The following SCN1A variants were observed in gnomAD, a reference collection of about 807,000 sequenced individuals.
SCN1A encodes the protein sodium voltage-gated channel alpha subunit 1.
A neutral mutation model predicts 193.7 loss-of-function variants in SCN1A; 13 were observed. The ratio of observed to expected loss-of-function variants is 0.07; its 90% CI spans 0.04 to 0.11. SCN1A has a LOEUF of 0.11. Ranked by LOEUF, SCN1A falls within the 10% of genes least tolerant of loss-of-function variation. The probability of loss-of-function intolerance (pLI) is 1.00; values close to 1 mark genes in which losing one functional copy is unlikely to be tolerated. For synonymous variants in SCN1A, 781 were observed against 843.6 expected, an observed-to-expected ratio of 0.93 and a Z score of 1.29; for missense variants, 1,432 against 2,451.1, an observed-to-expected ratio of 0.58 and a Z score of 8.78.
intron 22 of SCN1A, among the ~76,000 whole-genome samples, chr2:166,011,349 T>G (rs1692418996): frequency 6.6e-6 from 1 of 151,084 alleles, no homozygotes; most frequent in Non-Finnish European, 1.5e-5. Context: ...TTTGCCAAGT[T>G]GATAATAGAA....
intron 1 of SCN1A, among the ~76,000 whole-genome samples, chr2:166,139,626 G>C (rs1342747279): frequency 6.6e-6 from 1 of 152,148 alleles, no homozygotes; most frequent in Non-Finnish European, 1.5e-5. Context: ...TTTTCATGCT[G>C]CTGATAAAGA....
intron 2 of SCN1A, chr2:166,109,565 C>G (rs1689076192): frequency 1.3e-5 from 2 of 152,372 alleles, no homozygotes; most frequent in Admixed American, 1.3e-4. Flanking sequence ...ATTTTTCCAA[C>G]AGCATGTGCT....
Position 166,012,121 on chromosome 2 carries a change from G to C in SCN1A, c.3867C>G (p.Phe1289Leu). The change falls in exon 22 of 29, where the codon TTC (phenylalanine) becomes TTG (leucine). Residue 1289 changes from phenylalanine to leucine, a missense_variant. Around this residue, in one of 18 missense-constraint regions of SCN1A, gnomAD observed 107 missense variants for 259.4 expected, o/e 0.41. Coordinates refer to ENST00000674923, the MANE Select transcript of SCN1A (RefSeq NM_001165963.4). ...GAACGATACCTACATCAACAATTAA[G>C]AAGTCCAGCCAACACCAGGCATTGG... ...YFTNAWCWLD[F>L]LIVDVSLVSL... The C allele has an allele frequency of 6.2e-7, 1 of 1,609,784 alleles. No homozygotes were observed. Among genetic ancestry groups the C allele is most frequent in the South Asian group, 1.1e-5 (1 of 91,020 alleles).
rs760863201 is a variant in SCN1A at position 166,073,647 on chromosome 2, C to A, written c.-26G>T. ...CTTGTCATCCTGCACATTTTAATTA[C>A]CATTTATTCTGCATATGAAATTCCT... On this transcript the variant is annotated 5_prime_UTR_variant, in exon 4 of 29. Coordinates refer to ENST00000674923, the MANE Select transcript of SCN1A (RefSeq NM_001165963.4). 2 of 1,612,914 alleles carry A rather than the reference C, an allele frequency of 1.2e-6. No homozygotes were observed. Among genetic ancestry groups the A allele is most frequent in the Non-Finnish European group, 1.7e-6 (2 of 1,179,252 alleles).
chr2:166,082,186 T>C (rs1685598109), intron 2 of SCN1A, among the ~76,000 whole-genome samples: 2 of 151,948 alleles, frequency 1.3e-5, no homozygotes, highest in African/African-American at 4.8e-5. Context: ...TCTATTCCTC[T>C]CATTTAATAG....
chr2:166,031,439 G>T (rs1334292389), intron 19 of SCN1A, among the ~76,000 whole-genome samples: 1 of 151,978 alleles, frequency 6.6e-6, no homozygotes, highest in East Asian at 1.9e-4. Context: ...TTAGGTTTCT[G>T]CATGTTTGTA....
intron 2 of SCN1A, among the ~76,000 whole-genome samples, chr2:166,117,544 G>T (rs574670004): frequency 1.3e-5 from 2 of 152,122 alleles, no homozygotes; most frequent in Non-Finnish European, 2.9e-5. Context: ...AAGGCTAGGG[G>T]TTTCATTGTT....
chr2:166,097,435 T>C (rs1687515829), intron 2 of SCN1A, among the ~76,000 whole-genome samples: 1 of 152,206 alleles, frequency 6.6e-6, no homozygotes, highest in Admixed American at 6.5e-5. Flanking sequence ...TATTAATTTG[T>C]TTTTTCTAAA....
At chr2:166,027,316 T>A (rs1694927711) in intron 19 of SCN1A, 1 of 152,200 alleles carries the variant, frequency 6.6e-6, no homozygotes, top group Non-Finnish European at 1.5e-5. Context: ...ATTTTGACCT[T>A]GAGGGTAAGG....
intron 1 of SCN1A, among the ~76,000 whole-genome samples, chr2:166,144,863 T>C (rs1182451686): frequency 6.6e-6 from 1 of 151,826 alleles, no homozygotes. Context: ...GTTTTTTTTT[T>C]TTTTTTGAGA....
upstream of SCN1A, among the ~76,000 whole-genome samples, chr2:166,132,019 A>G (rs976164080): frequency 1.3e-5 from 2 of 152,186 alleles, no homozygotes; most frequent in African/African-American, 4.8e-5. Context: ...ACTGAGCAAC[A>G]TGAAGCTGGG....
chr2:166,119,196 C>T (rs563672431), intron 2 of SCN1A, among the ~76,000 whole-genome samples: 2 of 152,242 alleles, frequency 1.3e-5, no homozygotes, highest in African/African-American at 4.8e-5. Context: ...GTTTGGGGAC[C>T]CTTAATCTGA....
chr2:165,994,554 AG>A (rs1367809681), intron 27 of SCN1A, 138 bp from the exon 28 acceptor site: 9 of 711,702 alleles, frequency 1.3e-5, no homozygotes, highest in Non-Finnish European at 2.1e-5. Flanking sequence ...AATGATTTAT[AG>A]CATATTAATT....
At chr2:166,089,965 G>A (rs1256181420) in intron 2 of SCN1A, among the ~76,000 whole-genome samples, 1 of 146,838 alleles carries the variant, frequency 6.8e-6, no homozygotes, top group African/African-American at 2.5e-5. Context: ...TTATCACTTC[G>A]CTTTAACTCC....
intron 4 of SCN1A, among the ~76,000 whole-genome samples, chr2:166,062,052 T>C (rs1192374407): frequency 1.3e-5 from 2 of 152,146 alleles, no homozygotes; most frequent in African/African-American, 4.8e-5. Flanking sequence ...ACAACGGTAT[T>C]TGTTTTGCTT....
rs146851474 is a variant in SCN1A, at chr2:166,015,426, G to A, written c.3550+181C>T. On this transcript the variant is annotated intron_variant, in intron 20 of 28. Coordinates refer to ENST00000674923, the MANE Select transcript of SCN1A (RefSeq NM_001165963.4). ...GTTCTTAATCTCTTCCACATATTGG[G>A]CAGATATAATCAAAGCATGACACTA... 1.0e-3 allele frequency among the ~76,000 whole-genome samples: 153 copies of A among 151,926 alleles called. 2 individuals carry two copies. The Middle Eastern group carries it at 0.014, about 14-fold the overall frequency.
At chr2:166,079,552 T>C (rs1685286905) in intron 2 of SCN1A, among the ~76,000 whole-genome samples, 1 of 150,604 alleles carries the variant, frequency 6.6e-6, no homozygotes, top group African/African-American at 2.4e-5. Context: ...ACATATGTGA[T>C]CATTACGACA....
At chr2:166,102,223 G>T (rs28768214) in intron 2 of SCN1A, among the ~76,000 whole-genome samples, 2 of 152,294 alleles carry the variant, frequency 1.3e-5, no homozygotes, top group African/African-American at 4.8e-5. Context: ...TGGGCGGGGC[G>T]CGGTGACTCG....
intron 6 of SCN1A, among the ~76,000 whole-genome samples, chr2:166,055,328 T>A (rs912715905): frequency 6.6e-6 from 1 of 151,902 alleles, no homozygotes; most frequent in African/African-American, 2.4e-5. Flanking sequence ...GAAACTTAGG[T>A]GTTTCCAAAG....
Sources: allele counts gnomAD v4.1 joint callset (sites outside exome capture counted in the v4.1 genomes callset), GRCh38; gene constraint gnomAD v4.1.1; regional missense constraint gnomAD v4.1.1; transcripts MANE v1.5; gene names NCBI Gene and HGNC (gene_info 2026-07-23, HGNC 2026-07-21).